Variants in EED observed in about 807,000 individuals in gnomAD.
EED encodes the protein embryonic ectoderm development.
A neutral mutation model predicts 61.0 loss-of-function variants in EED; 9 were observed. That is an observed-to-expected ratio of 0.15 (90% CI 0.09 to 0.26). The LOEUF is 0.26. Among genes scored for constraint, EED ranks in the 10% least tolerant of loss-of-function variants. EED has a pLI of 1.00. For synonymous variants in EED, 187 were observed against 174.4 expected (o/e 1.07, Z -0.57); for missense variants, 315 against 542.3 (o/e 0.58, Z 4.16).
chr11:86,266,561 A>G (rs536417639), intron 8 of EED, among the ~76,000 whole-genome samples: 1 of 152,144 alleles, frequency 6.6e-6, no homozygotes, highest in Non-Finnish European at 1.5e-5. Context: ...AGTAAAGGAC[A>G]CTTTAGAATA....
intron 7 of EED, 76 bp downstream of exon 7, chr11:86,264,339 T>C (rs1398465791): frequency 6.6e-5 from 69 of 1,050,280 alleles, no homozygotes; most frequent in Non-Finnish European, 9.7e-5. Context: ...TGTTTCCTTA[T>C]AAGAAAGTGT....
At position 86,244,864 on chromosome 11, in the gene EED, T is replaced by C; in HGVS notation, c.-366T>C. 1 of 247,612 alleles carries C rather than the reference T, an allele frequency of 4.0e-6. No individual in the cohort carries two copies. Among genetic ancestry groups the C allele is most frequent in the Non-Finnish European group, 7.9e-6 (1 of 127,356 alleles). The allele number at this position is 247,612 out of a possible 1,614,324, so 15.3% of individuals were successfully genotyped here. On this transcript the variant is annotated 5_prime_UTR_variant, in exon 1 of 12. Transcript: ENST00000263360. Reference sequence around the variant, plus strand: ...GGGGTGAGGGAGCATCCCTTTGAGTTTCGCCTCTTCTCGAGGCGGTGGTGG... The same window carrying C: ...GGGGTGAGGGAGCATCCCTTTGAGTCTCGCCTCTTCTCGAGGCGGTGGTGG...
intron 7 of EED, 132 bp downstream of exon 7, chr11:86,264,395 G>A: frequency 1.7e-6 from 1 of 581,138 alleles, no homozygotes; most frequent in Non-Finnish European, 3.1e-6. Flanking sequence ...ATTTGACATA[G>A]AAGATTTTAA....
At chr11:86,280,353 C>T (rs1946308680), downstream of EED, among the ~76,000 whole-genome samples, 1 of 152,092 alleles carries the variant, frequency 6.6e-6, no homozygotes, top group African/African-American at 2.4e-5. Context: ...ATCCAGGAGT[C>T]AGAACTCACA....
chr11:86,255,657 A>T lies in EED; in HGVS notation c.426+370A>T, dbSNP rs565667341. ...AATATATCATTTCATTGTAGTTATA[A>T]TGATGAACTTGGCTTGTGACTGGTA... On this transcript the variant is annotated intron_variant, in intron 4 of 11. Coordinates refer to ENST00000263360, the MANE Select transcript of EED (RefSeq NM_003797.5). 7.9e-5 allele frequency among the ~76,000 whole-genome samples: 12 copies of T among 152,272 alleles called. No individual in the cohort carries two copies. In the South Asian group the frequency reaches 2.5e-3, roughly 32 times the overall value.
downstream of EED, among the ~76,000 whole-genome samples, chr11:86,280,165 A>G (rs1290271788): frequency 6.6e-6 from 1 of 152,116 alleles, no homozygotes; most frequent in Non-Finnish European, 1.5e-5. Context: ...CAGACGTCTC[A>G]CTGCAACCTC....
chr11:86,286,971 CAAAAAAAAA>C, the EED span, among the ~76,000 whole-genome samples: 2 of 68,342 alleles, frequency 2.9e-5, no homozygotes, highest in African/African-American at 4.8e-5. Flanking sequence ...GACTCCGTCT[CAAAAAAAAA>C]AAAAAAAAAA....
the EED span, among the ~76,000 whole-genome samples, chr11:86,287,381 T>C: frequency 1.2e-4 from 19 of 152,342 alleles, no homozygotes; most frequent in South Asian, 3.3e-3. Flanking sequence ...TGACTATCAC[T>C]TTGGAATTGA....
chr11:86,250,454 T>C lies in EED; in HGVS notation c.267+6T>C. On this transcript the variant is annotated splice_donor_region_variant and intron_variant, in intron 2 of 11. Coordinates refer to ENST00000263360, the MANE Select transcript of EED (RefSeq NM_003797.5). ...AATGTGTAAATAGTCTCAAGGTATG[T>C]GCAAAAAAAGATCCTTTGGGCTGAA... 1.1e-5 allele frequency: 18 copies of C among 1,566,314 alleles called. No homozygotes were observed. The highest frequency in any genetic ancestry group is 1.6e-5 in the Non-Finnish European group (18 of 1,159,298).
intron 1 of EED, among the ~76,000 whole-genome samples, chr11:86,246,655 C>CT (rs758261045): frequency 6.6e-6 from 1 of 152,204 alleles, no homozygotes; most frequent in Non-Finnish European, 1.5e-5. Context: ...CCCAATCTCA[C>CT]TGTACATTGG....
chr11:86,278,128 A>C, intron 11 of EED, 137 bp downstream of exon 11: 1 of 1,353,712 alleles, frequency 7.4e-7, no homozygotes, highest in Non-Finnish European at 9.5e-7. Context: ...AGTTAAAGTT[A>C]TTCTTTTTTA....
At chr11:86,278,078 G>A (rs1231185853) in intron 11 of EED, 87 bp downstream of exon 11, 10 of 1,390,396 alleles carry the variant, frequency 7.2e-6, no homozygotes, top group Middle Eastern at 2.4e-4. Context: ...TATATTTGCA[G>A]TGCCATCCTT....
rs374247159 is a variant in EED, at chr11:86,277,752, T to G, written c.1126-166T>G. ...ACACTTGTGATGTATTAATTGCTCT[T>G]ATTCATATTTACGAATCAGGAGTAT... On this transcript the variant is annotated intron_variant, in intron 10 of 11. Transcript: ENST00000263360. The G allele has an allele frequency of 1.7e-5, 8 of 473,144 alleles. No individual in the cohort carries two copies. In the East Asian group the frequency reaches 2.7e-4, roughly 16 times the overall value. The allele number at this position is 473,144 out of a possible 1,614,324, so 29.3% of individuals were successfully genotyped here.
chr11:86,272,317 C>G (rs117482872), intron 9 of EED, among the ~76,000 whole-genome samples: 1 of 151,682 alleles, frequency 6.6e-6, no homozygotes, highest in South Asian at 2.1e-4. Flanking sequence ...TTCGGCCTCC[C>G]GACGTGCTGG....
chr11:86,271,841 T>A, intron 9 of EED, among the ~76,000 whole-genome samples: 1 of 151,520 alleles, frequency 6.6e-6, no homozygotes, highest in Non-Finnish European at 1.5e-5. Flanking sequence ...CATTCCTACT[T>A]GATCATCCTG....
chr11:86,269,419 CA>C (rs1456303691), intron 9 of EED, among the ~76,000 whole-genome samples: 1 of 152,148 alleles, frequency 6.6e-6, no homozygotes, highest in Non-Finnish European at 1.5e-5. Context: ...TTAGGATTAT[CA>C]AATTTGGTGA....
chr11:86,266,524 C>A (rs1945984263), intron 8 of EED, among the ~76,000 whole-genome samples: 1 of 152,040 alleles, frequency 6.6e-6, no homozygotes, highest in Admixed American at 6.6e-5. Context: ...AGTTTTAAAT[C>A]ACTTAAGCTT....
chr11:86,264,611 G>A (rs1945929108), intron 7 of EED: 1 of 173,696 alleles, frequency 5.8e-6, no homozygotes, highest in African/African-American at 2.4e-5. Flanking sequence ...CCATTAAAGT[G>A]CTTTTCCATC....
intron 2 of EED, among the ~76,000 whole-genome samples, chr11:86,251,370 T>A (rs2138138668): frequency 6.6e-6 from 1 of 152,338 alleles, no homozygotes; most frequent in Non-Finnish European, 1.5e-5. Context: ...ACCTGGAAGA[T>A]GTTTTTAGCT....
Sources: allele counts gnomAD v4.1 joint callset (sites outside exome capture counted in the v4.1 genomes callset), GRCh38; gene constraint gnomAD v4.1.1; transcripts MANE v1.5; gene names NCBI Gene and HGNC (gene_info 2026-07-23, HGNC 2026-07-21).